Variants in PCDH9 observed in about 807,000 individuals in gnomAD.
The protein encoded by PCDH9 is protocadherin-9.
A neutral mutation model predicts 70.6 loss-of-function variants in PCDH9; 24 were observed. That is an observed-to-expected ratio of 0.34 (90% CI 0.25 to 0.48). PCDH9 has a LOEUF of 0.48. PCDH9 is among the 20% of genes least tolerant of loss of function. The pLI is 0.99. For missense variants in PCDH9, 1,281 were observed against 1,503.6 expected (o/e 0.85, Z 2.45); for synonymous variants, 562 against 558.5 (o/e 1.01, Z -0.09).
At chr13:66,673,464 T>C (rs937056863) in intron 3 of PCDH9, among the ~76,000 whole-genome samples, 2 of 152,008 alleles carry the variant, frequency 1.3e-5, no homozygotes, top group African/African-American at 4.8e-5. Flanking sequence ...GACTAATACA[T>C]TGGGACACAG....
intron 4 of PCDH9, among the ~76,000 whole-genome samples, chr13:66,348,987 A>T (rs1956254425): frequency 6.6e-6 from 1 of 152,182 alleles, no homozygotes; most frequent in African/African-American, 2.4e-5. Context: ...GATATAAATG[A>T]GATGCCAAAA....
At chr13:66,707,529 T>C (rs553074511) in intron 3 of PCDH9, among the ~76,000 whole-genome samples, 1 of 152,340 alleles carries the variant, frequency 6.6e-6, no homozygotes, top group African/African-American at 2.4e-5. Flanking sequence ...TTCATGCCGA[T>C]CAACATAGCA....
chr13:66,572,687 T>C (rs34288075), intron 4 of PCDH9, among the ~76,000 whole-genome samples: 70,644 of 151,994 alleles, frequency 0.46, 16,775 homozygotes, highest in African/African-American at 0.53. Flanking sequence ...GTGCAGATCT[T>C]TTCTACGCAT....
intron 4 of PCDH9, among the ~76,000 whole-genome samples, chr13:66,445,625 A>C (rs954658612): frequency 7.2e-6 from 1 of 139,018 alleles, no homozygotes; most frequent in Non-Finnish European, 1.5e-5. Context: ...ATATACACAT[A>C]TATATTATAT....
intron 4 of PCDH9, among the ~76,000 whole-genome samples, chr13:66,622,032 C>T (rs963235007): frequency 2.6e-5 from 4 of 152,220 alleles, no homozygotes; most frequent in South Asian, 2.1e-4. Flanking sequence ...TGGTGGGCCC[C>T]GCACTCGGAG....
intron 4 of PCDH9, among the ~76,000 whole-genome samples, chr13:66,482,217 G>A (rs1459569609): frequency 6.6e-6 from 1 of 152,222 alleles, no homozygotes; most frequent in Non-Finnish European, 1.5e-5. Context: ...CAATGGTGGA[G>A]CTGGGTCTCA....
intron 2 of PCDH9, among the ~76,000 whole-genome samples, chr13:67,022,283 T>G (rs1347255725): frequency 6.6e-6 from 1 of 151,770 alleles, no homozygotes. Context: ...CCACCACGCC[T>G]GGCTAATTTT....
chr13:66,467,579 A>T (rs1384571253), intron 4 of PCDH9, among the ~76,000 whole-genome samples: 1 of 152,056 alleles, frequency 6.6e-6, no homozygotes, highest in African/African-American at 2.4e-5. Flanking sequence ...TGAATTGTTG[A>T]TTCTTTTATC....
chr13:66,627,098 T>A (rs1303808845), intron 4 of PCDH9, among the ~76,000 whole-genome samples: 1 of 152,104 alleles, frequency 6.6e-6, no homozygotes, highest in African/African-American at 2.4e-5. Context: ...ATAGTTACTA[T>A]AGAAATTAGT....
chr13:66,881,876 G>A lies in PCDH9; in HGVS notation c.3138+21628C>T, dbSNP rs573767779. Among the ~76,000 whole-genome samples, 3 of 152,262 alleles carry A rather than the reference G, an allele frequency of 2.0e-5. No homozygotes were observed. In the South Asian group the frequency reaches 6.2e-4, roughly 32 times the overall value. ...CTAGTGTTATAGGGAGGTAGAACAG[G>A]AGAACTTTACAGGTTTATCTAAGAT... is the stretch of plus-strand genomic sequence containing the variant. On this transcript the variant is annotated intron_variant, in intron 3 of 4. Coordinates refer to ENST00000377865, the MANE Select transcript of PCDH9 (RefSeq NM_203487.3).
chr13:66,962,085 G>GA (rs1156274105), intron 2 of PCDH9, among the ~76,000 whole-genome samples: 17 of 149,668 alleles, frequency 1.1e-4, no homozygotes, highest in African/African-American at 2.5e-4. Flanking sequence ...AAAAAGAAAA[G>GA]AAAAAAAAAC....
At chr13:67,224,664 T>A in intron 2 of PCDH9, 3 of 266,702 alleles carry the variant, frequency 1.1e-5, no homozygotes, top group Non-Finnish European at 1.2e-5. Flanking sequence ...ATTACTAAGA[T>A]GAGAGAATAT....
At chr13:66,757,402 CTTAGTT>C (rs2079553787) in intron 3 of PCDH9, among the ~76,000 whole-genome samples, 1 of 152,104 alleles carries the variant, frequency 6.6e-6, no homozygotes, top group African/African-American at 2.4e-5. Context: ...TTGCTAAGGG[CTTAGTT>C]TAAATTAGTT....
chr13:66,803,964 G>A (rs190031157), intron 3 of PCDH9, among the ~76,000 whole-genome samples: 55 of 152,254 alleles, frequency 3.6e-4, no homozygotes, highest in African/African-American at 1.2e-3. Context: ...GGCTCACTGG[G>A]TGCCAGGGGC....
At chr13:66,738,007 G>A (rs914987455) in intron 3 of PCDH9, among the ~76,000 whole-genome samples, 107 of 152,290 alleles carry the variant, frequency 7.0e-4, no homozygotes, top group African/African-American at 2.5e-3. Context: ...GCTCAAGGAG[G>A]CCTGCCTGCC....
At chr13:66,760,363 G>C (rs1008957246) in intron 3 of PCDH9, among the ~76,000 whole-genome samples, 2 of 152,066 alleles carry the variant, frequency 1.3e-5, no homozygotes, top group South Asian at 4.1e-4. Context: ...TGATGTCTTT[G>C]GATGTTGAGG....
rs2087747999 is a variant in PCDH9, at chr13:67,154,559, G to A, written c.3036+70846C>T. ...CCACTACACTCCAGACAGGGAAACAGACGGAGACCCTGTCTCAAAAAAAAA... is the reference window on the plus strand; with the variant it reads ...CCACTACACTCCAGACAGGGAAACAAACGGAGACCCTGTCTCAAAAAAAAA... On this transcript the variant is annotated intron_variant, in intron 2 of 4. Transcript: ENST00000377865. 3.5e-5 allele frequency among the ~76,000 whole-genome samples: 4 copies of A among 115,652 alleles called. No individual in the cohort carries two copies. The South Asian group carries it at 8.4e-4, about 24-fold the overall frequency. The allele number at this position is 115,652 out of a possible 152,430, so 75.9% of individuals were successfully genotyped here. A position where few individuals can be genotyped will look rare whatever the true frequency, so the allele number is the denominator to read the frequency against.
At chr13:66,846,119 C>A (rs1455240600) in intron 3 of PCDH9, among the ~76,000 whole-genome samples, 2 of 63,042 alleles carry the variant, frequency 3.2e-5, no homozygotes, top group African/African-American at 4.8e-5. Flanking sequence ...ATAGATAATG[C>A]AGGGGGAAAA....
chr13:66,445,874 C>T (rs946459814), intron 4 of PCDH9, among the ~76,000 whole-genome samples: 10 of 148,746 alleles, frequency 6.7e-5, no homozygotes, highest in African/African-American at 2.5e-4. Context: ...AAATATATAT[C>T]TATATTTTCC....
Sources: gnomAD v4.1 joint callset for allele counts (sites outside exome capture counted in the v4.1 genomes callset) on GRCh38, gnomAD v4.1.1 for gene constraint, MANE v1.5 for transcripts, NCBI Gene and HGNC (gene_info 2026-07-23, HGNC 2026-07-21) for gene names.